Variants in IQSEC3 observed in about 807,000 individuals in gnomAD.
IQSEC3 encodes IQ motif and Sec7 domain ArfGEF 3.
IQSEC3 carries 50 observed loss-of-function variants against 105.4 expected under a neutral mutation model. The observed-to-expected ratio is 0.47, with a 90% CI of 0.38 to 0.60. The LOEUF is 0.60. Among genes scored for constraint, IQSEC3 ranks in the 20% least tolerant of loss-of-function variants. The probability of loss-of-function intolerance (pLI) is 0.00; values close to 1 mark genes in which losing one functional copy is unlikely to be tolerated. For missense variants in IQSEC3, 1,415 were observed against 1,630.0 expected, an observed-to-expected ratio of 0.87 and a Z score of 2.27; for synonymous variants, 708 against 746.0, an observed-to-expected ratio of 0.95 and a Z score of 0.83.
chr12:66,974 C>G lies in IQSEC3; in HGVS notation c.92C>G (p.Thr31Ser). The G allele has an allele frequency of 3.3e-6, 5 of 1,533,090 alleles. No individual in the cohort carries two copies. Among genetic ancestry groups the G allele is most frequent in the Non-Finnish European group, 1.7e-6 (2 of 1,145,672 alleles). The allele number at this position is 1,533,090 out of a possible 1,614,324, so 95.0% of individuals were successfully genotyped here. The change falls in exon 1 of 14, where the codon ACC becomes AGC. Residue 31 changes from threonine to serine, a missense_variant. Thr to Ser is a moderately conservative substitution (Grantham distance 58). Around this residue, in one of 6 missense-constraint regions of IQSEC3, gnomAD observed 34 missense variants for 80.3 expected, o/e 0.42. Transcript: ENST00000538872. ...IVQNQQSLIH[T>S]QRERIDELER... ...CAGAACCAGCAGAGCCTCATCCACA[C>G]CCAGCGAGAGCGTATCGACGAGCTG...
intron 1 of IQSEC3, among the ~76,000 whole-genome samples, chr12:95,801 A>C (rs1555074655): frequency 6.6e-6 from 1 of 152,216 alleles, no homozygotes; most frequent in Non-Finnish European, 1.5e-5. Flanking sequence ...TAGACTGCTA[A>C]CTAGTTCTTT....
chr12:70,177 T>A (rs1863258486), intron 1 of IQSEC3, among the ~76,000 whole-genome samples: 1 of 152,264 alleles, frequency 6.6e-6, no homozygotes, highest in Non-Finnish European at 1.5e-5. Context: ...CCAGGCACTC[T>A]GGTAGATGCA....
chr12:114,740 C>T (rs1280346450), intron 2 of IQSEC3, among the ~76,000 whole-genome samples: 1 of 152,204 alleles, frequency 6.6e-6, no homozygotes, highest in Admixed American at 6.5e-5. Flanking sequence ...ACTGCCTGTT[C>T]TCCTGAGAGA....
At chr12:148,872 C>A (rs537804624) in intron 5 of IQSEC3, 1 of 152,198 alleles carries the variant, frequency 6.6e-6, no homozygotes, top group East Asian at 1.9e-4. Flanking sequence ...AATTAAAAAT[C>A]CCTGCTGCTA....
chr12:125,947 G>A (rs1591685893), intron 3 of IQSEC3, 35 bp downstream of exon 3: 2 of 1,518,954 alleles, frequency 1.3e-6, no homozygotes. Flanking sequence ...GGGGAGGGTG[G>A]TGAAGGGGCC....
intron 2 of IQSEC3, among the ~76,000 whole-genome samples, chr12:122,159 C>A (rs965648129): frequency 6.6e-6 from 1 of 152,174 alleles, no homozygotes; most frequent in Non-Finnish European, 1.5e-5. Flanking sequence ...TCTCTCAGGT[C>A]CCCGAGCACG....
At chr12:83,708 A>T (rs576503756) in intron 1 of IQSEC3, among the ~76,000 whole-genome samples, 1 of 58,846 alleles carries the variant, frequency 1.7e-5, no homozygotes, top group East Asian at 2.9e-4. Context: ...CGGGCGGGGG[A>T]GGAGGTGGGT....
chr12:154,617 C>G lies in IQSEC3; in HGVS notation c.2154-2408C>G, dbSNP rs543474736. ...CTTGGCCTCATAAGAGTCAGCGCCC[C>G]TGGGCTGAGAGGGTGGCATCTGGCC... On this transcript the variant is annotated intron_variant, in intron 5 of 13. Transcript: ENST00000538872. Among the ~76,000 whole-genome samples the G allele has an allele frequency of 1.8e-4, 28 of 152,290 alleles. No homozygotes were observed. The East Asian group carries it at 4.3e-3, about 23-fold the overall frequency.
intron 1 of IQSEC3, among the ~76,000 whole-genome samples, chr12:94,366 G>A (rs1555074252): frequency 6.6e-6 from 1 of 152,234 alleles, no homozygotes; most frequent in South Asian, 2.1e-4. Context: ...CCCAGGTCAG[G>A]AAACTTAGAC....
At chr12:98,364 C>T (rs1387345706) in intron 1 of IQSEC3, among the ~76,000 whole-genome samples, 1 of 152,118 alleles carries the variant, frequency 6.6e-6, no homozygotes, top group Non-Finnish European at 1.5e-5. Flanking sequence ...TGGACTGATG[C>T]CAGACCACAT....
intron 5 of IQSEC3, among the ~76,000 whole-genome samples, chr12:146,923 C>T (rs1301147324): frequency 3.9e-5 from 6 of 152,168 alleles, no homozygotes; most frequent in African/African-American, 1.4e-4. Context: ...CTGCCCCACT[C>T]CCACCACAGA....
chr12:78,446 G>A (rs1863633079), intron 1 of IQSEC3, among the ~76,000 whole-genome samples: 1 of 151,868 alleles, frequency 6.6e-6, no homozygotes, highest in South Asian at 2.1e-4. Flanking sequence ...GTGACACCGA[G>A]GTACAAATTC....
At chr12:122,819 G>A (rs1591680905) in intron 2 of IQSEC3, among the ~76,000 whole-genome samples, 1 of 152,194 alleles carries the variant, frequency 6.6e-6, no homozygotes, top group Admixed American at 6.5e-5. Flanking sequence ...ATCAAAGAAA[G>A]CAGAGGGCTG....
At chr12:118,492 G>A (rs184771381) in intron 2 of IQSEC3, among the ~76,000 whole-genome samples, 2 of 152,262 alleles carry the variant, frequency 1.3e-5, no homozygotes, top group Admixed American at 1.3e-4. Flanking sequence ...TCCCAGAAGA[G>A]CTTTAAGAAT....
chr12:151,976 G>A (rs782135525), intron 5 of IQSEC3, among the ~76,000 whole-genome samples: 2 of 151,898 alleles, frequency 1.3e-5, no homozygotes, highest in African/African-American at 2.4e-5. Context: ...TGGAACCGTC[G>A]TTTCCCTACA....
At chr12:105,190 CA>C (rs1555077560) in intron 2 of IQSEC3, among the ~76,000 whole-genome samples, 1 of 152,262 alleles carries the variant, frequency 6.6e-6, no homozygotes, top group East Asian at 1.9e-4. Context: ...GCGATGGCGG[CA>C]GGGGAGGTTA....
rs782375951 is a variant in IQSEC3, at chr12:165,919, G to C, written c.2971+29G>C. ...AGGACACGGGCTCCCGAGGCAGCTG[G>C]TGGGGGTTCCCATTCAGCAAGGGAC... is the stretch of plus-strand genomic sequence containing the variant. On this transcript the variant is annotated intron_variant, in intron 11 of 13. Transcript: ENST00000538872. The C allele has an allele frequency of 1.9e-5, 31 of 1,605,632 alleles. 1 individual carries two copies. The South Asian group carries it at 2.8e-4, about 14-fold the overall frequency.
intron 2 of IQSEC3, among the ~76,000 whole-genome samples, chr12:107,141 T>C (rs1864682246): frequency 6.6e-6 from 1 of 152,226 alleles, no homozygotes. Flanking sequence ...ATAATTCCTT[T>C]AGCACCCTCA....
intron 2 of IQSEC3, among the ~76,000 whole-genome samples, chr12:101,576 C>G (rs574226740): frequency 1.3e-5 from 2 of 152,264 alleles, no homozygotes; most frequent in South Asian, 4.1e-4. Flanking sequence ...GGCCCTCCCC[C>G]TGGCTGGGGA....
Sources: allele counts gnomAD v4.1 joint callset (sites outside exome capture counted in the v4.1 genomes callset), GRCh38; gene constraint gnomAD v4.1.1; regional missense constraint gnomAD v4.1.1; transcripts MANE v1.5; gene names NCBI Gene and HGNC (gene_info 2026-07-23, HGNC 2026-07-21).